The following ITPK1 variants were observed in gnomAD, a reference collection of about 807,000 sequenced individuals.
ITPK1 encodes the protein inositol 1,3,4-trisphosphate 5/6-kinase.
ITPK1 carries 21 observed loss-of-function variants against 45.3 expected under a neutral mutation model. That is an observed-to-expected ratio of 0.46 (90% CI 0.33 to 0.67). The LOEUF is 0.67. ITPK1 is among the 30% of genes least tolerant of loss of function. The probability of loss-of-function intolerance (pLI) is 0.02; values close to 1 mark genes in which losing one functional copy is unlikely to be tolerated. For missense variants in ITPK1, 474 were observed against 573.5 expected, an observed-to-expected ratio of 0.83 and a Z score of 1.77; for synonymous variants, 258 against 253.6, an observed-to-expected ratio of 1.02 and a Z score of -0.16.
chr14:93,053,512 C>G (rs551588185), intron 3 of ITPK1, among the ~76,000 whole-genome samples: 9 of 152,336 alleles, frequency 5.9e-5, no homozygotes, highest in Non-Finnish European at 8.8e-5. Context: ...ACAGGCGGTG[C>G]AGAGGACTTT....
At chr14:93,017,908 G>A (rs1888266324) in intron 3 of ITPK1, among the ~76,000 whole-genome samples, 1 of 152,216 alleles carries the variant, frequency 6.6e-6, no homozygotes, top group Non-Finnish European at 1.5e-5. Context: ...GTGATTTTAC[G>A]AATGAGAAAA....
intron 3 of ITPK1, among the ~76,000 whole-genome samples, chr14:93,053,631 T>C (rs1464277585): frequency 2.0e-5 from 3 of 152,206 alleles, no homozygotes; most frequent in African/African-American, 7.2e-5. Context: ...CTATGCACAC[T>C]GGGGACTTCA....
At chr14:93,022,060 G>A (rs1164747737) in intron 3 of ITPK1, among the ~76,000 whole-genome samples, 5 of 152,146 alleles carry the variant, frequency 3.3e-5, no homozygotes, top group Non-Finnish European at 4.4e-5. Context: ...GGGAATTTAC[G>A]AGCTGACATT....
At chr14:93,004,955 G>A (rs11623358) in intron 4 of ITPK1, among the ~76,000 whole-genome samples, 2,248 of 152,140 alleles carry the variant, frequency 0.015, 27 homozygotes, top group Middle Eastern at 0.041. Context: ...TGGGGGCCTG[G>A]CAGGGCTGGG....
At chr14:93,024,443 G>A (rs927242860) in intron 3 of ITPK1, among the ~76,000 whole-genome samples, 1 of 152,220 alleles carries the variant, frequency 6.6e-6, no homozygotes, top group Non-Finnish European at 1.5e-5. Flanking sequence ...TAGTCGCGAT[G>A]AGCACACAGC....
intron 8 of ITPK1, among the ~76,000 whole-genome samples, chr14:92,956,853 C>A (rs1158249731): frequency 6.6e-6 from 1 of 152,194 alleles, no homozygotes; most frequent in Non-Finnish European, 1.5e-5. Flanking sequence ...TGGTATATAG[C>A]CACATATAAA....
intron 3 of ITPK1, among the ~76,000 whole-genome samples, chr14:93,049,470 G>A (rs1889915534): frequency 6.6e-6 from 1 of 152,192 alleles, no homozygotes; most frequent in Non-Finnish European, 1.5e-5. Flanking sequence ...TGGTGTCTGA[G>A]TTGGGAATGG....
At chr14:92,998,918 T>G (rs1332993020) in intron 4 of ITPK1, 1 of 152,372 alleles carries the variant, frequency 6.6e-6, no homozygotes, top group Middle Eastern at 3.4e-3. Context: ...ACTTGCTATA[T>G]GCACACTGCT....
rs1888077176 is a variant in ITPK1, at chr14:93,014,505, G to A, written c.246+2171C>T. On this transcript the variant is annotated intron_variant, in intron 4 of 10. Coordinates refer to ENST00000267615, the MANE Select transcript of ITPK1 (RefSeq NM_014216.6). The surrounding 1 kb of genome is among the most constrained non-coding windows in gnomAD (Gnocchi z 4.4). ...ATGAAGTGGCACTCAGCTACAATGGGCACTTTACACCCACAGGCATTTACT... is the reference window on the plus strand; with the variant it reads ...ATGAAGTGGCACTCAGCTACAATGGACACTTTACACCCACAGGCATTTACT... 6.6e-6 allele frequency among the ~76,000 whole-genome samples: 1 copy of A among 152,154 alleles called. No individual in the cohort carries two copies. Among genetic ancestry groups the A allele is most frequent in the African/African-American group, 2.4e-5 (1 of 41,424 alleles).
chr14:92,968,665 T>C (rs553985583), intron 5 of ITPK1, among the ~76,000 whole-genome samples: 1 of 152,176 alleles, frequency 6.6e-6, no homozygotes, highest in Admixed American at 6.5e-5. Flanking sequence ...CCCACCCTTC[T>C]GAAATCCCAG....
chr14:93,010,297 T>C (rs1478010383), intron 4 of ITPK1, among the ~76,000 whole-genome samples: 3 of 152,238 alleles, frequency 2.0e-5, no homozygotes, highest in East Asian at 3.8e-4. Flanking sequence ...TTTCTTCTAC[T>C]TCCTCTCCAT....
intron 10 of ITPK1, among the ~76,000 whole-genome samples, chr14:92,945,685 C>G (rs1887650601): frequency 6.6e-6 from 1 of 152,218 alleles, no homozygotes; most frequent in Non-Finnish European, 1.5e-5. Context: ...GTCACACCAT[C>G]GTTCCTCATG....
intron 4 of ITPK1, among the ~76,000 whole-genome samples, chr14:93,015,015 A>G (rs1048211634): frequency 1.3e-5 from 2 of 152,348 alleles, no homozygotes; most frequent in South Asian, 4.1e-4. Context: ...CCACAGGCAC[A>G]TGAACTGGGC....
intron 3 of ITPK1, among the ~76,000 whole-genome samples, chr14:93,057,092 T>C (rs570329599): frequency 5.3e-5 from 8 of 152,226 alleles, no homozygotes; most frequent in African/African-American, 1.7e-4. Context: ...CGGGAGACCA[T>C]AGGCCGAGGA....
intron 9 of ITPK1, among the ~76,000 whole-genome samples, chr14:92,947,453 C>T (rs1282168603): frequency 6.6e-6 from 1 of 152,248 alleles, no homozygotes; most frequent in Non-Finnish European, 1.5e-5. Flanking sequence ...GGAAGTGGGG[C>T]ACTGCACTGG....
At chr14:92,962,445 C>A (rs886640740) in intron 6 of ITPK1, 50 bp from the exon 7 acceptor site, 2 of 1,287,640 alleles carry the variant, frequency 1.6e-6, no homozygotes, top group Non-Finnish European at 2.3e-6. Flanking sequence ...GGCCGTTCAC[C>A]CACAAGGCAG....
At position 92,938,421 on chromosome 14, in the gene ITPK1, GGCTGTCTGGCAGGCAACA is replaced by G; in HGVS notation, c.*3122_*3139del. On this transcript the variant is annotated 3_prime_UTR_variant, in exon 11 of 11. Coordinates refer to ENST00000267615, the MANE Select transcript of ITPK1 (RefSeq NM_014216.6). ...AGGCTGGCTCCCTTGGTCTTGGGGTGGCTGTCTGGCAGGCAACAGCTGCTTTGCTCAGTTGGCTCAAAC... is the reference window on the plus strand; with the variant it reads ...AGGCTGGCTCCCTTGGTCTTGGGGTGGCTGCTTTGCTCAGTTGGCTCAAAC... 2 of 1,298,334 alleles carry G rather than the reference GGCTGTCTGGCAGGCAACA, an allele frequency of 1.5e-6. No individual in the cohort carries two copies. The highest frequency in any genetic ancestry group is 2.4e-5 in the South Asian group (2 of 84,552). 80.4% of individuals were successfully genotyped at this position (1,298,334 alleles called of 1,614,324 possible). A position where few individuals can be genotyped will look rare whatever the true frequency, so the allele number is the denominator to read the frequency against.
intron 9 of ITPK1, 44 bp downstream of exon 9, chr14:92,951,901 CG>C (rs1887970298): frequency 1.4e-6 from 2 of 1,478,838 alleles, no homozygotes; most frequent in Middle Eastern, 1.7e-4. Flanking sequence ...CCTAGGCCCA[CG>C]GGAGGGCAGT....
intron 4 of ITPK1, among the ~76,000 whole-genome samples, chr14:92,999,104 C>T (rs1887202006): frequency 6.6e-6 from 1 of 152,250 alleles, no homozygotes; most frequent in Non-Finnish European, 1.5e-5. Context: ...CTGGAAACCT[C>T]TGTGAGTTCC....
Sources: allele counts gnomAD v4.1 joint callset (sites outside exome capture counted in the v4.1 genomes callset), GRCh38; gene constraint gnomAD v4.1.1; non-coding constraint Gnocchi (gnomAD v3.1); transcripts MANE v1.5; gene names NCBI Gene and HGNC (gene_info 2026-07-23, HGNC 2026-07-21).